Variants in TBC1D32 observed in about 807,000 individuals in gnomAD.
TBC1D32 encodes protein broad-minded.
TBC1D32 carries 151 observed loss-of-function variants against 170.3 expected under a neutral mutation model. The ratio of observed to expected loss-of-function variants is 0.89; its 90% confidence interval spans 0.78 to 1.01. The LOEUF (loss-of-function observed/expected upper bound fraction) is 1.01. Among genes scored for constraint, TBC1D32 ranks in the 50% least tolerant of loss-of-function variants. The pLI is 0.00. For synonymous variants in TBC1D32, 498 were observed against 488.0 expected (o/e 1.02, Z -0.27); for missense variants, 1,464 against 1,457.1 (o/e 1.00, Z -0.08).
intron 24 of TBC1D32, among the ~76,000 whole-genome samples, chr6:121,148,767 C>A (rs918527449): frequency 2.0e-5 from 3 of 152,074 alleles, no homozygotes; most frequent in Admixed American, 2.0e-4. Context: ...GCATGTGCCA[C>A]CATGCCCAGC....
At chr6:121,092,014 T>C (rs2128176558) in intron 30 of TBC1D32, among the ~76,000 whole-genome samples, 1 of 152,236 alleles carries the variant, frequency 6.6e-6, no homozygotes, top group South Asian at 2.1e-4. Context: ...TAAAGGCTGC[T>C]AGAAACCAGG....
At chr6:121,243,052 G>C (rs114811454) in intron 17 of TBC1D32, among the ~76,000 whole-genome samples, 2,280 of 151,480 alleles carry the variant, frequency 0.015, 42 homozygotes, top group African/African-American at 0.045. Flanking sequence ...TTAAAAAATG[G>C]AAATACAACT....
intron 20 of TBC1D32, among the ~76,000 whole-genome samples, chr6:121,227,161 G>T (rs975888734): frequency 6.6e-6 from 1 of 152,180 alleles, no homozygotes; most frequent in East Asian, 1.9e-4. Context: ...CCCATGGGCC[G>T]CAGGTTCAAC....
At chr6:121,254,227 C>T (rs143438773) in intron 17 of TBC1D32, among the ~76,000 whole-genome samples, 3 of 152,050 alleles carry the variant, frequency 2.0e-5, no homozygotes, top group African/African-American at 7.2e-5. Flanking sequence ...ATGGACTCTG[C>T]GGGTACAGAA....
intron 15 of TBC1D32, among the ~76,000 whole-genome samples, chr6:121,258,458 T>C (rs373623153): frequency 3.9e-5 from 6 of 152,244 alleles, no homozygotes; most frequent in Non-Finnish European, 7.4e-5. Context: ...TTTTGTTTTT[T>C]GTTTTACATT....
chr6:121,120,185 T>TAA (rs887933830), intron 26 of TBC1D32, among the ~76,000 whole-genome samples: 1 of 152,012 alleles, frequency 6.6e-6, no homozygotes, highest in African/African-American at 2.4e-5. Context: ...GGCTTTACTA[T>TAA]AAGACTGGTG....
At chr6:121,238,637 T>C (rs749040302) in intron 20 of TBC1D32, among the ~76,000 whole-genome samples, 6 of 152,134 alleles carry the variant, frequency 3.9e-5, no homozygotes, top group Non-Finnish European at 2.9e-5. Context: ...CTCTAAATGA[T>C]AGCATCTTCT....
intron 27 of TBC1D32, among the ~76,000 whole-genome samples, chr6:121,113,725 G>A (rs950627232): frequency 2.6e-5 from 4 of 152,174 alleles, no homozygotes; most frequent in East Asian, 1.9e-4. Context: ...GTTTATAATT[G>A]TCTGAAACTA....
chr6:121,134,635 C>G (rs538366673), intron 24 of TBC1D32, among the ~76,000 whole-genome samples: 1 of 152,016 alleles, frequency 6.6e-6, no homozygotes, highest in African/African-American at 2.4e-5. Context: ...CCCCCAGCCA[C>G]CATTGAGAGT....
Position 121,317,727 on chromosome 6 carries a change from CA to C in TBC1D32, c.318-56del, listed in dbSNP as rs1366261638. 3 of 1,271,578 alleles carry C rather than the reference CA, an allele frequency of 2.4e-6. No individual in the cohort carries two copies. The East Asian group carries it at 7.7e-5, about 33-fold the overall frequency. The allele number at this position is 1,271,578 out of a possible 1,614,324, so 78.8% of individuals were successfully genotyped here. A position where few individuals can be genotyped will look rare whatever the true frequency, so the allele number is the denominator to read the frequency against. On this transcript the variant is annotated intron_variant, in intron 2 of 31. Transcript: ENST00000398212. The stretch of plus-strand genomic sequence containing the variant: ...AAAGACGATCAGAAATTAAAACAGT[CA>C]ACTAGTTAAATTATCTAATTTTTTT...
chr6:121,249,432 T>C (rs2128380841), intron 17 of TBC1D32, among the ~76,000 whole-genome samples: 1 of 152,076 alleles, frequency 6.6e-6, no homozygotes, highest in South Asian at 2.1e-4. Context: ...CTTTCACCAC[T>C]TCTATTTGAC....
At chr6:121,283,068 G>A (rs1271894532) in intron 13 of TBC1D32, among the ~76,000 whole-genome samples, 1 of 151,762 alleles carries the variant, frequency 6.6e-6, no homozygotes, top group Non-Finnish European at 1.5e-5. Context: ...CCTGAACAGT[G>A]AACACTGTAC....
intron 12 of TBC1D32, among the ~76,000 whole-genome samples, chr6:121,287,904 T>C (rs1804141764): frequency 6.6e-6 from 1 of 152,164 alleles, no homozygotes; most frequent in Non-Finnish European, 1.5e-5. Context: ...GAACGACTAC[T>C]GGGTACATAA....
intron 26 of TBC1D32, among the ~76,000 whole-genome samples, chr6:121,119,984 A>G (rs1259319833): frequency 2.6e-5 from 4 of 152,124 alleles, no homozygotes; most frequent in African/African-American, 9.7e-5. Context: ...TATCAAAACA[A>G]TTTTTAATTT....
intron 19 of TBC1D32, among the ~76,000 whole-genome samples, 171 bp downstream of exon 19, chr6:121,241,294 A>T (rs2128361620): frequency 6.6e-6 from 1 of 152,340 alleles, no homozygotes; most frequent in East Asian, 1.9e-4. Context: ...TTTCATGGAA[A>T]AAGAAAGACA....
At chr6:121,145,393 G>A (rs900544215) in intron 24 of TBC1D32, among the ~76,000 whole-genome samples, 19 of 151,946 alleles carry the variant, frequency 1.3e-4, no homozygotes, top group Admixed American at 5.9e-4. Context: ...ATATAATCTC[G>A]CTTATGTGCA....
intron 22 of TBC1D32, among the ~76,000 whole-genome samples, chr6:121,183,837 A>AT (rs1233982451): frequency 4.6e-5 from 7 of 152,184 alleles, no homozygotes; most frequent in Admixed American, 1.3e-4. Context: ...TCTCACAGCA[A>AT]TAAAAAAACT....
chr6:121,306,734 T>C (rs1044790795), intron 5 of TBC1D32, among the ~76,000 whole-genome samples: 1 of 152,196 alleles, frequency 6.6e-6, no homozygotes, highest in African/African-American at 2.4e-5. Flanking sequence ...AAAGCTTACT[T>C]TTCATCATAT....
At chr6:121,258,164 T>C (rs1799292875) in intron 15 of TBC1D32, among the ~76,000 whole-genome samples, 1 of 152,196 alleles carries the variant, frequency 6.6e-6, no homozygotes, top group Non-Finnish European at 1.5e-5. Flanking sequence ...GACATTACTA[T>C]AATTACTTAT....
Sources: gnomAD v4.1 joint callset for allele counts (sites outside exome capture counted in the v4.1 genomes callset) on GRCh38, gnomAD v4.1.1 for gene constraint, MANE v1.5 for transcripts, NCBI Gene and HGNC (gene_info 2026-07-23, HGNC 2026-07-21) for gene names.